The following ANKS1B variants were observed in gnomAD, a reference collection of about 807,000 sequenced individuals.
ANKS1B encodes ankyrin repeat and sterile alpha motif domain containing 1B, also known as ankyrin repeat and sterile alpha motif domain-containing protein 1B.
ANKS1B carries 36 observed loss-of-function variants against 148.3 expected under a neutral mutation model. That is an observed-to-expected ratio of 0.24 (90% CI 0.19 to 0.32). The LOEUF (loss-of-function observed/expected upper bound fraction) is 0.32. ANKS1B is among the 10% of genes least tolerant of loss of function. ANKS1B has a pLI of 1.00. For missense variants in ANKS1B, 1,157 were observed against 1,542.6 expected (o/e 0.75, Z 4.19); for synonymous variants, 542 against 560.8 (o/e 0.97, Z 0.47).
intron 1 of ANKS1B, among the ~76,000 whole-genome samples, chr12:99,841,336 G>A (rs879791697): frequency 6.6e-5 from 10 of 151,666 alleles, no homozygotes; most frequent in Admixed American, 2.0e-4. Flanking sequence ...ATTTAATGTC[G>A]GATGAGAAGC....
chr12:98,838,086 T>G (rs1351812637), intron 17 of ANKS1B, among the ~76,000 whole-genome samples: 1 of 152,214 alleles, frequency 6.6e-6, no homozygotes, highest in Non-Finnish European at 1.5e-5. Flanking sequence ...TTTCTACATA[T>G]ACAACTCTCA....
At chr12:99,921,155 G>T (rs1025132409) in intron 1 of ANKS1B, among the ~76,000 whole-genome samples, 1 of 152,098 alleles carries the variant, frequency 6.6e-6, no homozygotes, top group African/African-American at 2.4e-5. Context: ...ATCCCCATGT[G>T]TCGAGGAAGG....
chr12:99,727,135 G>T (rs984642200), intron 8 of ANKS1B, among the ~76,000 whole-genome samples: 1 of 152,080 alleles, frequency 6.6e-6, no homozygotes, highest in East Asian at 1.9e-4. Context: ...GGAAATTCTG[G>T]CCAGGGCAAT....
chr12:99,797,548 TA>T (rs974750912), intron 4 of ANKS1B, among the ~76,000 whole-genome samples: 1 of 150,726 alleles, frequency 6.6e-6, no homozygotes, highest in Non-Finnish European at 1.5e-5. Flanking sequence ...ATTAATCATT[TA>T]AAAAAAACAA....
chr12:99,235,439 T>C (rs1277591507), intron 14 of ANKS1B, among the ~76,000 whole-genome samples: 1 of 152,188 alleles, frequency 6.6e-6, no homozygotes, highest in African/African-American at 2.4e-5. Context: ...TGAATAAAGA[T>C]AGAATGAGTA....
At chr12:99,675,044 A>G (rs1171754794) in intron 8 of ANKS1B, among the ~76,000 whole-genome samples, 1 of 151,976 alleles carries the variant, frequency 6.6e-6, no homozygotes, top group African/African-American at 2.4e-5. Flanking sequence ...TTAAAACTCA[A>G]ATAGCAAGGA....
intron 17 of ANKS1B, among the ~76,000 whole-genome samples, chr12:98,979,817 C>T (rs1475448590): frequency 1.3e-5 from 2 of 152,106 alleles, no homozygotes; most frequent in East Asian, 3.9e-4. Context: ...ACCAAATTTA[C>T]ATAATTTGGT....
intron 16 of ANKS1B, among the ~76,000 whole-genome samples, chr12:99,072,490 G>C (rs1255894182): frequency 6.6e-6 from 1 of 151,974 alleles, no homozygotes; most frequent in African/African-American, 2.4e-5. Context: ...GGCTAAACTG[G>C]GATTAAATTA....
intron 14 of ANKS1B, chr12:99,154,949 C>T (rs2075830246): frequency 6.5e-7 from 1 of 1,535,462 alleles, no homozygotes; most frequent in South Asian, 1.2e-5. Context: ...AAGCCTGCTG[C>T]TGCTGCTTCC....
intron 1 of ANKS1B, among the ~76,000 whole-genome samples, chr12:99,943,433 G>A (rs1046558098): frequency 3.9e-5 from 6 of 152,086 alleles, no homozygotes; most frequent in East Asian, 1.9e-4. Flanking sequence ...CAGTTCTCAC[G>A]CTGCTAATAA....
At chr12:99,112,217 T>A (rs1253654602) in intron 15 of ANKS1B, among the ~76,000 whole-genome samples, 1 of 152,140 alleles carries the variant, frequency 6.6e-6, no homozygotes, top group African/African-American at 2.4e-5. Context: ...GAATCACACT[T>A]TCCTCATGCC....
chr12:99,391,802 C>T (rs932964047), intron 12 of ANKS1B, among the ~76,000 whole-genome samples: 2 of 152,070 alleles, frequency 1.3e-5, no homozygotes, highest in African/African-American at 2.4e-5. Context: ...CAATTTGTCA[C>T]AAAGGCACTG....
intron 15 of ANKS1B, among the ~76,000 whole-genome samples, chr12:99,136,839 T>G (rs2068260237): frequency 6.6e-6 from 1 of 152,214 alleles, no homozygotes; most frequent in Admixed American, 6.5e-5. Flanking sequence ...TTCATTTTTT[T>G]TAAAGTGTGC....
chr12:99,850,545 C>G (rs116293092), intron 1 of ANKS1B, among the ~76,000 whole-genome samples: 28 of 151,912 alleles, frequency 1.8e-4, no homozygotes, highest in Non-Finnish European at 3.7e-4. Context: ...CAAAACACAT[C>G]AATAATTCTA....
At chr12:99,883,369 A>G (rs1180069559) in intron 1 of ANKS1B, among the ~76,000 whole-genome samples, 1 of 152,226 alleles carries the variant, frequency 6.6e-6, no homozygotes, top group Non-Finnish European at 1.5e-5. Context: ...AACCTCACGC[A>G]TTATACAGAA....
intron 24 of ANKS1B, among the ~76,000 whole-genome samples, chr12:98,777,298 T>C (rs1292768642): frequency 1.3e-5 from 2 of 152,194 alleles, no homozygotes; most frequent in Non-Finnish European, 2.9e-5. Flanking sequence ...TTGTTTAAAA[T>C]TGGCATTCCA....
chr12:99,580,207 T>G (rs1277991004), intron 9 of ANKS1B, among the ~76,000 whole-genome samples: 1 of 152,028 alleles, frequency 6.6e-6, no homozygotes, highest in Non-Finnish European at 1.5e-5. Flanking sequence ...GGTAGAGGGT[T>G]GGAGGACTGT....
chr12:98,840,413 C>T (rs2099399414), intron 17 of ANKS1B, among the ~76,000 whole-genome samples: 1 of 152,170 alleles, frequency 6.6e-6, no homozygotes, highest in Non-Finnish European at 1.5e-5. Context: ...CACCGAAATA[C>T]AACTGTACTA....
At chr12:99,931,059 G>A (rs1236609145) in intron 1 of ANKS1B, among the ~76,000 whole-genome samples, 1 of 152,116 alleles carries the variant, frequency 6.6e-6, no homozygotes, top group Non-Finnish European at 1.5e-5. Context: ...GGATGAAACT[G>A]GAAACCATCA....
Sources: allele counts gnomAD v4.1 joint callset (sites outside exome capture counted in the v4.1 genomes callset), GRCh38; gene constraint gnomAD v4.1.1; transcripts MANE v1.5; gene names NCBI Gene and HGNC (gene_info 2026-07-23, HGNC 2026-07-21).